Variants in TRAF3IP1 observed in about 807,000 individuals in gnomAD.
TRAF3IP1 encodes intraflagellar transport 54, also known as TRAF3-interacting protein 1.
Under a neutral mutation model 89.9 loss-of-function variants are expected in TRAF3IP1, and 53 were observed. The ratio of observed to expected loss-of-function variants is 0.59; its 90% CI spans 0.47 to 0.74. TRAF3IP1 has a LOEUF of 0.74. Among genes scored for constraint, TRAF3IP1 ranks in the 30% least tolerant of loss-of-function variants. The pLI, the probability that TRAF3IP1 is intolerant of heterozygous loss-of-function variation, is 0.00. For synonymous variants in TRAF3IP1, 311 were observed against 322.1 expected, an observed-to-expected ratio of 0.97 and a Z score of 0.37; for missense variants, 806 against 866.1, an observed-to-expected ratio of 0.93 and a Z score of 0.87.
At chr2:238,378,325 A>G (rs1056290963) in intron 15 of TRAF3IP1, among the ~76,000 whole-genome samples, 1 of 152,208 alleles carries the variant, frequency 6.6e-6, no homozygotes, top group Non-Finnish European at 1.5e-5. Context: ...TCATGTTTTA[A>G]AAGTTAGCAT....
At chr2:238,368,375 T>C (rs1416293909) in intron 15 of TRAF3IP1, among the ~76,000 whole-genome samples, 1 of 152,236 alleles carries the variant, frequency 6.6e-6, no homozygotes. Flanking sequence ...GTGATGCATA[T>C]ATAATTTTTC....
At chr2:238,333,659 AG>A (rs1304247083) in intron 6 of TRAF3IP1, among the ~76,000 whole-genome samples, 3 of 152,238 alleles carry the variant, frequency 2.0e-5, no homozygotes, top group African/African-American at 7.2e-5. Context: ...ACAGAAGTGG[AG>A]TCCTCATAAG....
intron 8 of TRAF3IP1, among the ~76,000 whole-genome samples, 182 bp downstream of exon 8, chr2:238,338,639 A>C (rs1318639024): frequency 6.6e-6 from 1 of 152,264 alleles, no homozygotes; most frequent in Non-Finnish European, 1.5e-5. Context: ...ATGCTAAGTT[A>C]TGTAACTTTA....
At chr2:238,383,370 G>A (rs538490732) in intron 15 of TRAF3IP1, among the ~76,000 whole-genome samples, 12 of 152,350 alleles carry the variant, frequency 7.9e-5, no homozygotes, top group Non-Finnish European at 1.3e-4. Context: ...GTGTGTGGCT[G>A]CACATAGTGG....
intron 15 of TRAF3IP1, among the ~76,000 whole-genome samples, chr2:238,356,412 G>T (rs9752965): frequency 6.6e-6 from 1 of 152,112 alleles, no homozygotes; most frequent in African/African-American, 2.4e-5. Flanking sequence ...CAGGAGAATC[G>T]CTTGAACCTG....
chr2:238,397,122 A>G (rs756408169), intron 15 of TRAF3IP1, among the ~76,000 whole-genome samples: 16 of 152,216 alleles, frequency 1.1e-4, no homozygotes, highest in Non-Finnish European at 1.5e-4. Flanking sequence ...AACAATAGCT[A>G]CAAAAGTTGC....
intron 15 of TRAF3IP1, among the ~76,000 whole-genome samples, chr2:238,376,494 C>A (rs1300002672): frequency 6.6e-6 from 1 of 152,226 alleles, no homozygotes; most frequent in African/African-American, 2.4e-5. Context: ...GTCTTGTCCA[C>A]TTCCATCTAC....
intron 15 of TRAF3IP1, among the ~76,000 whole-genome samples, chr2:238,374,044 G>T (rs1700217618): frequency 6.6e-6 from 1 of 152,170 alleles, no homozygotes; most frequent in Non-Finnish European, 1.5e-5. Context: ...AGACAATGGG[G>T]TTTTCTAAAT....
chr2:238,368,134 C>T (rs923261904), intron 15 of TRAF3IP1, among the ~76,000 whole-genome samples: 3 of 152,184 alleles, frequency 2.0e-5, no homozygotes, highest in South Asian at 2.1e-4. Context: ...ACCTGAAAAG[C>T]AGCTTCCAGT....
At chr2:238,371,959 A>G (rs971726942) in intron 15 of TRAF3IP1, among the ~76,000 whole-genome samples, 2 of 152,248 alleles carry the variant, frequency 1.3e-5, no homozygotes, top group African/African-American at 4.8e-5. Context: ...CTGATTAAGC[A>G]TATAGAATTG....
At chr2:238,322,472 T>G (rs1218468125) in intron 1 of TRAF3IP1, among the ~76,000 whole-genome samples, 1 of 152,158 alleles carries the variant, frequency 6.6e-6, no homozygotes, top group Non-Finnish European at 1.5e-5. Flanking sequence ...GCAGATCACT[T>G]GAGCCCAGAT....
intron 15 of TRAF3IP1, among the ~76,000 whole-genome samples, chr2:238,385,058 C>T (rs935427533): frequency 1.3e-5 from 2 of 152,062 alleles, no homozygotes; most frequent in East Asian, 1.9e-4. Context: ...CTCTGTCCCC[C>T]AGGCTGGAGT....
rs1701429962 is a variant in TRAF3IP1 at position 238,400,871 on chromosome 2, A to G, written c.*1952A>G. On this transcript the variant is annotated 3_prime_UTR_variant, in exon 17 of 17. Transcript: ENST00000373327. ...TTTATTTTTCTTTTATACGTAAATC[A>G]TTAAAAATAATCACATATTTTTTCC... is the stretch of plus-strand genomic sequence containing the variant. 2 of 152,240 alleles carry G rather than the reference A, an allele frequency of 1.3e-5. No individual in the cohort carries two copies. The highest frequency in any genetic ancestry group is 4.8e-5 in the African/African-American group (2 of 41,460). The allele number at this position is 152,240 out of a possible 1,614,324, so 9.4% of individuals were successfully genotyped here.
chr2:238,392,041 G>C (rs574919029), intron 15 of TRAF3IP1, among the ~76,000 whole-genome samples: 10 of 152,058 alleles, frequency 6.6e-5, no homozygotes, highest in Admixed American at 6.6e-4. Flanking sequence ...GAAATTAAAC[G>C]TTTGATATAA....
At chr2:238,362,100 G>A (rs193127065) in intron 15 of TRAF3IP1, among the ~76,000 whole-genome samples, 20 of 152,188 alleles carry the variant, frequency 1.3e-4, no homozygotes, top group African/African-American at 4.3e-4. Flanking sequence ...CACTCTCTCC[G>A]TCCTTGGCAT....
intron 14 of TRAF3IP1, among the ~76,000 whole-genome samples, chr2:238,353,652 T>C (rs1699276750): frequency 6.6e-6 from 1 of 152,220 alleles, no homozygotes; most frequent in African/African-American, 2.4e-5. Context: ...AGAGGCAGGC[T>C]GAGTACTTTC....
rs2106362576 is a variant in TRAF3IP1, at chr2:238,379,832, A to G, written c.1690-17627A>G. 6.6e-6 allele frequency among the ~76,000 whole-genome samples: 1 copy of G among 152,380 alleles called. No homozygotes were observed. Among genetic ancestry groups the G allele is most frequent in the African/African-American group, 2.4e-5 (1 of 41,592 alleles). ...GAAATACTGTAGCAATAGGCTCAAT[A>G]GAAAATGATTAATATTTTAGTAAGA... On this transcript the variant is annotated intron_variant, in intron 15 of 16. Transcript: ENST00000373327. The surrounding 1 kb of genome is among the most constrained non-coding windows in gnomAD (Gnocchi z 4.0).
Position 238,328,703 on chromosome 2 carries a change from G to A in TRAF3IP1, c.372G>A (p.Ala124=), listed in dbSNP as rs751430540. ...ACGACAAGCTCTCTAGTGACGATGC[G>A]GTGCGGAGGGTTTTAGCTGGAGAGA... ...CCLNKLSSDD[A]VRRVLAGEKG... Residue 124 remains alanine, a synonymous_variant, in exon 4 of 17, where the codon GCG becomes GCA. Coordinates refer to ENST00000373327, the MANE Select transcript of TRAF3IP1 (RefSeq NM_015650.4). The A allele has an allele frequency of 8.1e-6, 13 of 1,613,682 alleles. No homozygotes were observed. The highest frequency in any genetic ancestry group is 3.3e-4 in the Middle Eastern group (2 of 6,082).
chr2:238,373,613 C>T (rs113618467), intron 15 of TRAF3IP1, among the ~76,000 whole-genome samples: 22 of 152,108 alleles, frequency 1.4e-4, no homozygotes, highest in African/African-American at 2.7e-4. Context: ...CTTGGCAATG[C>T]GGGCTCTTTT....
Sources: allele counts gnomAD v4.1 joint callset (sites outside exome capture counted in the v4.1 genomes callset), GRCh38; gene constraint gnomAD v4.1.1; non-coding constraint Gnocchi (gnomAD v3.1); transcripts MANE v1.5; gene names NCBI Gene and HGNC (gene_info 2026-07-23, HGNC 2026-07-21).